SVOP: variants seen among roughly 807,000 people sequenced by gnomAD.
SVOP encodes the protein SV2 related protein.
SVOP carries 17 observed loss-of-function variants against 69.1 expected under a neutral mutation model. The observed-to-expected ratio is 0.25, with a 90% CI of 0.17 to 0.37. The LOEUF (loss-of-function observed/expected upper bound fraction) is 0.37, where lower values mean the gene tolerates loss of function less well. Ranked by LOEUF, SVOP falls within the 10% of genes least tolerant of loss-of-function variation. The pLI, the probability that SVOP is intolerant of heterozygous loss-of-function variation, is 1.00. For synonymous variants in SVOP, 238 were observed against 238.6 expected (o/e 1.00, Z 0.02); for missense variants, 435 against 597.5 (o/e 0.73, Z 2.84).
intron 6 of SVOP, among the ~76,000 whole-genome samples, chr12:108,945,534 G>A (rs1471757793): frequency 6.6e-6 from 1 of 152,012 alleles, no homozygotes; most frequent in Non-Finnish European, 1.5e-5. Flanking sequence ...TAAGACTACA[G>A]GCATGCACCA....
chr12:108,960,591 G>A (rs907431414), intron 6 of SVOP, among the ~76,000 whole-genome samples: 2 of 152,158 alleles, frequency 1.3e-5, no homozygotes, highest in Non-Finnish European at 2.9e-5. Context: ...TTCCCCAACT[G>A]TAAAACGCAG....
intron 6 of SVOP, among the ~76,000 whole-genome samples, chr12:108,953,971 G>A (rs1467227238): frequency 6.6e-6 from 1 of 152,002 alleles, no homozygotes; most frequent in Non-Finnish European, 1.5e-5. Context: ...AATTAGCCGG[G>A]TGTGGTGGCT....
chr12:108,968,480 TG>T (rs1239569305), intron 5 of SVOP, among the ~76,000 whole-genome samples: 1 of 152,176 alleles, frequency 6.6e-6, no homozygotes, highest in Non-Finnish European at 1.5e-5. Context: ...GGGGATTCAA[TG>T]AATGGTAGCT....
Position 108,977,398 on chromosome 12 carries a change from C to T in SVOP, c.381G>A (p.Ser127=), listed in dbSNP as rs2040112179. The part of the protein sequence containing the change: ...LPSWQVALLT[S]VVFVGMMSSS... ...AGAAGGGAGCTGCTGGGCTGCCTAC[C>T]GAGGTCAGCAATGCCACCTGCCAGC... is the stretch of plus-strand genomic sequence containing the variant. The change falls in exon 4 of 16, where the codon TCG becomes TCA. Residue 127 remains serine, a splice_region_variant and synonymous_variant. Transcript: ENST00000610966. 1 of 1,536,986 alleles carries T rather than the reference C, an allele frequency of 6.5e-7. No homozygotes were observed. Among genetic ancestry groups the T allele is most frequent in the African/African-American group, 1.4e-5 (1 of 73,154 alleles).
At chr12:108,983,212 C>G (rs990695155) in intron 2 of SVOP, among the ~76,000 whole-genome samples, 1 of 151,500 alleles carries the variant, frequency 6.6e-6, no homozygotes, top group African/African-American at 2.4e-5. Flanking sequence ...TCACTATGAT[C>G]ATCACCATCA....
At chr12:108,970,573 A>G (rs965317018) in intron 5 of SVOP, among the ~76,000 whole-genome samples, 2 of 147,462 alleles carry the variant, frequency 1.4e-5, no homozygotes, top group African/African-American at 5.0e-5. Context: ...GAGGTAGCCC[A>G]TTCCCAGCTC....
chr12:108,985,020 A>G (rs2040159451), intron 1 of SVOP, among the ~76,000 whole-genome samples: 3 of 152,204 alleles, frequency 2.0e-5, no homozygotes, highest in Admixed American at 2.0e-4. Flanking sequence ...TGGGCAAAGG[A>G]GTTCAAGACC....
chr12:108,947,727 G>C (rs1445671241), intron 6 of SVOP, among the ~76,000 whole-genome samples: 1 of 152,062 alleles, frequency 6.6e-6, no homozygotes, highest in Non-Finnish European at 1.5e-5. Context: ...CCTATCCCAT[G>C]TTGCCTTCAA....
intron 5 of SVOP, among the ~76,000 whole-genome samples, 158 bp downstream of exon 5, chr12:108,972,247 G>C (rs776214584): frequency 6.6e-6 from 1 of 151,910 alleles, no homozygotes; most frequent in African/African-American, 2.4e-5. Context: ...GCTTTGAAGA[G>C]AGTCCACAGC....
At chr12:108,939,544 G>C (rs1430420912) in intron 8 of SVOP, among the ~76,000 whole-genome samples, 1 of 152,212 alleles carries the variant, frequency 6.6e-6, no homozygotes, top group East Asian at 1.9e-4. Context: ...TGAAACAGCA[G>C]GTATACTGGA....
intron 1 of SVOP, among the ~76,000 whole-genome samples, chr12:108,991,143 G>A (rs551849930): frequency 1.6e-4 from 24 of 152,178 alleles, no homozygotes; most frequent in Non-Finnish European, 2.9e-4. Context: ...CAAACATCCT[G>A]CCGTCTGGAG....
At chr12:108,961,122 C>T (rs1392617269) in intron 5 of SVOP, 75 bp from the exon 6 acceptor site, 6 of 1,462,182 alleles carry the variant, frequency 4.1e-6, no homozygotes, top group South Asian at 1.4e-5. Context: ...CACTGAGAGC[C>T]GCCGATAATG....
At chr12:108,978,791 C>T in intron 2 of SVOP, 128 bp from the exon 3 acceptor site, 1 of 572,342 alleles carries the variant, frequency 1.7e-6, no homozygotes, top group Non-Finnish European at 3.1e-6. Context: ...TAGAACTTAT[C>T]CTAGAAAAAT....
intron 1 of SVOP, among the ~76,000 whole-genome samples, chr12:108,993,089 C>T (rs2040211385): frequency 6.6e-6 from 1 of 151,990 alleles, no homozygotes; most frequent in African/African-American, 2.4e-5. Context: ...CTCACTGCAA[C>T]CTCTGCCTCC....
At chr12:108,961,356 C>A (rs745666091) in intron 5 of SVOP, among the ~76,000 whole-genome samples, 48 of 151,856 alleles carry the variant, frequency 3.2e-4, no homozygotes, top group Non-Finnish European at 6.3e-4. Flanking sequence ...TCTGCCCGAC[C>A]ATCATGCAGC....
At chr12:109,009,266 C>A (rs2040328237) in intron 1 of SVOP, among the ~76,000 whole-genome samples, 1 of 151,780 alleles carries the variant, frequency 6.6e-6, no homozygotes, top group Admixed American at 6.6e-5. Flanking sequence ...CCAGCCTTGT[C>A]TTTGTAACTT....
chr12:109,004,869 C>T (rs1462869708), intron 1 of SVOP, among the ~76,000 whole-genome samples: 2 of 151,920 alleles, frequency 1.3e-5, no homozygotes, highest in Non-Finnish European at 1.5e-5. Flanking sequence ...CCCCGAGTAG[C>T]TGGGATTACA....
At chr12:108,915,941 G>T in intron 14 of SVOP, 69 bp from the exon 15 acceptor site, 1 of 1,423,910 alleles carries the variant, frequency 7.0e-7, no homozygotes, top group Non-Finnish European at 9.4e-7. Context: ...GCTCCAAGCT[G>T]ATAGGACCAA....
In SVOP at chr12:108,907,831, C is replaced by T. The variant is rs1015457420; in HGVS notation, c.*4704G>A. On this transcript the variant is annotated 3_prime_UTR_variant, in exon 16 of 16. Coordinates refer to ENST00000610966, the MANE Select transcript of SVOP (RefSeq NM_018711.5). The stretch of plus-strand genomic sequence containing the variant: ...TCCAGGACATGCTGGATATTCCATG[C>T]ATACTGACCACTTGCCACGTTATGA... 1 of 152,248 alleles carries T rather than the reference C, an allele frequency of 6.6e-6. No homozygotes were observed. The highest frequency in any genetic ancestry group is 2.4e-5 in the African/African-American group (1 of 41,448). The allele number at this position is 152,248 out of a possible 1,614,324, so 9.4% of individuals were successfully genotyped here.
Sources: allele counts gnomAD v4.1 joint callset (sites outside exome capture counted in the v4.1 genomes callset), GRCh38; gene constraint gnomAD v4.1.1; transcripts MANE v1.5; gene names NCBI Gene and HGNC (gene_info 2026-07-23, HGNC 2026-07-21).